Variants in RAMP3 observed in about 807,000 individuals in gnomAD.
The protein encoded by RAMP3 is receptor activity-modifying protein 3.
Under a neutral mutation model 13.5 loss-of-function variants are expected in RAMP3, and 14 were observed. The ratio of observed to expected loss-of-function variants is 1.04; its 90% CI spans 0.69 to 1.63. RAMP3 has a LOEUF of 1.63. Ranked by LOEUF, RAMP3 falls within the 40% of genes most tolerant of loss-of-function variation. RAMP3 has a pLI of 0.00. For synonymous variants in RAMP3, 106 were observed against 88.3 expected (o/e 1.20, Z -1.12); for missense variants, 200 against 204.8 (o/e 0.98, Z 0.14).
At chr7:45,170,496 C>G (rs1414692660) in intron 1 of RAMP3, among the ~76,000 whole-genome samples, 1 of 152,070 alleles carries the variant, frequency 6.6e-6, no homozygotes, top group African/African-American at 2.4e-5. Context: ...TGCCACCATG[C>G]TTGGCTAATT....
Position 45,157,797 on chromosome 7 carries a change from A to T in RAMP3, c.-32A>T. On this transcript the variant is annotated 5_prime_UTR_variant, in exon 1 of 3. Transcript: ENST00000242249. ...GTCCCCCAGCCGCGCCCCCAGCGGG[A>T]CCGAGCGTGACCCAGCTGCGGCCGG... 1 of 1,062,906 alleles carries T rather than the reference A, an allele frequency of 9.4e-7. No homozygotes were observed. The highest frequency in any genetic ancestry group is 1.6e-5 in the South Asian group (1 of 62,320). The allele number at this position is 1,062,906 out of a possible 1,614,324, so 65.8% of individuals were successfully genotyped here. A position where few individuals can be genotyped will look rare whatever the true frequency, so the allele number is the denominator to read the frequency against.
intron 2 of RAMP3, among the ~76,000 whole-genome samples, chr7:45,178,106 G>T (rs903550209): frequency 2.6e-5 from 4 of 152,136 alleles, no homozygotes; most frequent in Admixed American, 2.6e-4. Flanking sequence ...TCTCCTTACA[G>T]CTGGAGCTGG....
At chr7:45,179,665 T>G (rs1347266714) in intron 2 of RAMP3, among the ~76,000 whole-genome samples, 3 of 151,854 alleles carry the variant, frequency 2.0e-5, no homozygotes, top group Admixed American at 2.0e-4. Flanking sequence ...AGGAGGTCAG[T>G]GGTCAGTCCA....
At chr7:45,163,608 C>T in intron 1 of RAMP3, 1 of 985,332 alleles carries the variant, frequency 1.0e-6, no homozygotes, top group Non-Finnish European at 1.2e-6. Context: ...AAGTTGGGGC[C>T]CGATGGAAGC....
At chr7:45,180,344 C>T (rs1786281131) in intron 2 of RAMP3, among the ~76,000 whole-genome samples, 1 of 152,228 alleles carries the variant, frequency 6.6e-6, no homozygotes, top group Admixed American at 6.5e-5. Flanking sequence ...AAGGACACTC[C>T]TTTCTTTCCC....
At chr7:45,158,646 G>C (rs551691979) in intron 1 of RAMP3, among the ~76,000 whole-genome samples, 24 of 150,346 alleles carry the variant, frequency 1.6e-4, no homozygotes, top group African/African-American at 5.2e-4. Context: ...CCACTGAGTG[G>C]TGACTGAGCC....
intron 1 of RAMP3, among the ~76,000 whole-genome samples, chr7:45,175,654 G>T (rs1166789632): frequency 6.6e-6 from 1 of 152,092 alleles, no homozygotes; most frequent in Non-Finnish European, 1.5e-5. Context: ...CCTCTGTGGG[G>T]TTCCAGCTAA....
In RAMP3 at chr7:45,183,569, C is replaced by T. The variant is rs539255580; in HGVS notation, c.*157C>T. 1.7e-5 allele frequency: 18 copies of T among 1,055,996 alleles called. No homozygotes were observed. Among genetic ancestry groups the T allele is most frequent in the Middle Eastern group, 3.1e-4 (1 of 3,268 alleles). 65.4% of individuals were successfully genotyped at this position (1,055,996 alleles called of 1,614,324 possible). A position where few individuals can be genotyped will look rare whatever the true frequency, so the allele number is the denominator to read the frequency against. ...CCCTTCCTGGGCTGACCTGCTCCCT[C>T]GAGGCCAGCCTGCTCCCTGGCTGAG... On this transcript the variant is annotated 3_prime_UTR_variant, in exon 3 of 3. Transcript: ENST00000242249.
intron 1 of RAMP3, among the ~76,000 whole-genome samples, chr7:45,173,245 T>C (rs1278940911): frequency 6.6e-6 from 1 of 152,204 alleles, no homozygotes; most frequent in African/African-American, 2.4e-5. Context: ...TTGTTTTCAG[T>C]AGAAAGTTTG....
intron 1 of RAMP3, among the ~76,000 whole-genome samples, chr7:45,170,538 T>A (rs990925508): frequency 1.3e-5 from 2 of 152,146 alleles, no homozygotes; most frequent in Non-Finnish European, 2.9e-5. Flanking sequence ...GGGGTTTCAC[T>A]GTGTTAGCCA....
intron 1 of RAMP3, among the ~76,000 whole-genome samples, chr7:45,160,736 G>C (rs1368310228): frequency 5.3e-5 from 8 of 152,204 alleles, no homozygotes; most frequent in Admixed American, 5.2e-4. Flanking sequence ...AAGTCCCTGA[G>C]ACAAAAGAAA....
chr7:45,158,591 G>T (rs1785807480), intron 1 of RAMP3, among the ~76,000 whole-genome samples: 1 of 152,178 alleles, frequency 6.6e-6, no homozygotes, highest in African/African-American at 2.4e-5. Flanking sequence ...GAGAGAGAAT[G>T]TGTGTAAAGG....
At chr7:45,179,745 A>G (rs1278566936) in intron 2 of RAMP3, among the ~76,000 whole-genome samples, 1 of 152,194 alleles carries the variant, frequency 6.6e-6, no homozygotes, top group Non-Finnish European at 1.5e-5. Context: ...GGCCCTTGCC[A>G]GGGGCTGAGG....
intron 1 of RAMP3, among the ~76,000 whole-genome samples, chr7:45,175,788 C>T (rs1786171185): frequency 6.6e-6 from 1 of 152,128 alleles, no homozygotes; most frequent in Admixed American, 6.5e-5. Context: ...CAAGCCACTC[C>T]CTTTTGCTGG....
At chr7:45,169,607 A>G (rs1701999764) in intron 1 of RAMP3, among the ~76,000 whole-genome samples, 2 of 152,176 alleles carry the variant, frequency 1.3e-5, no homozygotes, top group Admixed American at 1.3e-4. Flanking sequence ...ACTCCTTCCC[A>G]GCCTTTCCTG....
chr7:45,183,278 AC>A lies in RAMP3; in HGVS notation c.315del (p.Val106TrpfsTer17). ...CCACAGGCAGTTCTTCTCCAACTGC[AC>A]CGTGGACAGGGTCCACTTGGAGGAC... Reference protein sequence around the residue: ...GIHRQFFSNCTVDRVHLEDPP... With the variant: ...GIHRQFFSNCXVDRVHLEDPP... On this transcript the variant is annotated frameshift_variant, in exon 3 of 3. Coordinates refer to ENST00000242249, the MANE Select transcript of RAMP3 (RefSeq NM_005856.3). LOFTEE classifies it high-confidence loss of function. 6.2e-7 allele frequency: 1 copy of A among 1,614,046 alleles called. No individual in the cohort carries two copies. The highest frequency in any genetic ancestry group is 8.5e-7 in the Non-Finnish European group (1 of 1,180,038).
chr7:45,183,584 C>T lies in RAMP3; in HGVS notation c.*172C>T. On this transcript the variant is annotated 3_prime_UTR_variant, in exon 3 of 3. Coordinates refer to ENST00000242249, the MANE Select transcript of RAMP3 (RefSeq NM_005856.3). ...CCTGCTCCCTCGAGGCCAGCCTGCT[C>T]CCTGGCTGAGGCTCAGGCTATCCGC... The T allele has an allele frequency of 6.4e-6, 6 of 930,654 alleles. No individual in the cohort carries two copies. The highest frequency in any genetic ancestry group is 2.6e-5 in the East Asian group (1 of 38,230). The allele number at this position is 930,654 out of a possible 1,614,324, so 57.6% of individuals were successfully genotyped here.
chr7:45,160,093 G>A (rs1395889515), intron 1 of RAMP3, among the ~76,000 whole-genome samples: 1 of 152,052 alleles, frequency 6.6e-6, no homozygotes, highest in Non-Finnish European at 1.5e-5. Context: ...AGCACTTTGG[G>A]AGGCCAAGGC....
intron 1 of RAMP3, among the ~76,000 whole-genome samples, chr7:45,175,248 G>C (rs1342102922): frequency 6.6e-6 from 1 of 152,200 alleles, no homozygotes; most frequent in Admixed American, 6.5e-5. Flanking sequence ...TGTTCTGGGA[G>C]AGCCAGTCAC....
Sources: allele counts gnomAD v4.1 joint callset (sites outside exome capture counted in the v4.1 genomes callset), GRCh38; gene constraint gnomAD v4.1.1; transcripts MANE v1.5; gene names NCBI Gene and HGNC (gene_info 2026-07-23, HGNC 2026-07-21).